Variants in NUAK1 observed in about 807,000 individuals in gnomAD.
NUAK1 encodes the protein NUAK family kinase 1.
A neutral mutation model predicts 56.9 loss-of-function variants in NUAK1; 26 were observed. That is an observed-to-expected ratio of 0.46 (90% CI 0.33 to 0.63). NUAK1 has a LOEUF of 0.63. NUAK1 is among the 30% of genes least tolerant of loss of function. The probability of loss-of-function intolerance (pLI) is 0.02; values close to 1 mark genes in which losing one functional copy is unlikely to be tolerated. For synonymous variants in NUAK1, 337 were observed against 336.0 expected (o/e 1.00, Z -0.03); for missense variants, 727 against 876.1 (o/e 0.83, Z 2.15).
At chr12:106,131,622 C>A (rs1475890569) in intron 1 of NUAK1, among the ~76,000 whole-genome samples, 1 of 152,156 alleles carries the variant, frequency 6.6e-6, no homozygotes, top group Non-Finnish European at 1.5e-5. Flanking sequence ...GATGTGCCAG[C>A]TTTTATTTAC....
At chr12:106,110,177 G>A (rs773518380) in intron 1 of NUAK1, among the ~76,000 whole-genome samples, 4 of 152,082 alleles carry the variant, frequency 2.6e-5, no homozygotes, top group Admixed American at 6.5e-5. Context: ...TTCTCCACCC[G>A]CTCCCACACT....
At chr12:106,099,614 A>AT (rs1258420911) in intron 2 of NUAK1, among the ~76,000 whole-genome samples, 1 of 152,082 alleles carries the variant, frequency 6.6e-6, no homozygotes, top group Non-Finnish European at 1.5e-5. Context: ...TCCACCACTT[A>AT]TTAGTTGGTA....
chr12:106,080,791 A>AG (rs2032509863), intron 4 of NUAK1, among the ~76,000 whole-genome samples: 1 of 152,148 alleles, frequency 6.6e-6, no homozygotes, highest in Non-Finnish European at 1.5e-5. Context: ...GAAGCACCAG[A>AG]GGGGGCTCCA....
chr12:106,122,316 G>A (rs527703455), intron 1 of NUAK1, among the ~76,000 whole-genome samples: 3 of 152,304 alleles, frequency 2.0e-5, no homozygotes, highest in South Asian at 2.1e-4. Context: ...GGCCATGAGC[G>A]GCAGTATCAC....
intron 1 of NUAK1, among the ~76,000 whole-genome samples, chr12:106,114,213 C>G (rs531182173): frequency 3.0e-4 from 46 of 152,316 alleles, no homozygotes; most frequent in African/African-American, 1.1e-3. Context: ...TATAACAAGG[C>G]TTGGATAAGC....
chr12:106,078,469 A>G (rs1424050286), intron 4 of NUAK1, among the ~76,000 whole-genome samples: 2 of 152,180 alleles, frequency 1.3e-5, no homozygotes, highest in Non-Finnish European at 2.9e-5. Flanking sequence ...AAGGGGAGTT[A>G]TTGCTGTCAG....
chr12:106,083,387 T>C (rs563128112), intron 4 of NUAK1, among the ~76,000 whole-genome samples: 1 of 152,320 alleles, frequency 6.6e-6, no homozygotes, highest in African/African-American at 2.4e-5. Context: ...CCAACTCTAC[T>C]CTTTACCACT....
chr12:106,108,365 T>C (rs1397637218), intron 1 of NUAK1, among the ~76,000 whole-genome samples: 5 of 152,184 alleles, frequency 3.3e-5, no homozygotes, highest in African/African-American at 7.2e-5. Flanking sequence ...GGTGGACCCA[T>C]GGCTGGATAG....
chr12:106,106,211 C>G (rs1246632673), intron 2 of NUAK1, 194 bp downstream of exon 2: 1 of 445,908 alleles, frequency 2.2e-6, no homozygotes, highest in Non-Finnish European at 3.9e-6. Context: ...ATTTTATGAC[C>G]AAAATGAGCT....
chr12:106,138,155 C>T lies in NUAK1; in HGVS notation c.240+259G>A, dbSNP rs913223047. On this transcript the variant is annotated intron_variant, in intron 1 of 6. Coordinates refer to ENST00000261402, the MANE Select transcript of NUAK1 (RefSeq NM_014840.3). The surrounding 1 kb of genome is among the most constrained non-coding windows in gnomAD (Gnocchi z 5.0). ...GCAAATCTAAAACATTCCTTTGCTG[C>T]TAGGATTAAATTTTTAAAAACAAAC... Among the ~76,000 whole-genome samples, 1 of 152,110 alleles carries T rather than the reference C, an allele frequency of 6.6e-6. No homozygotes were observed. Among genetic ancestry groups the T allele is most frequent in the Non-Finnish European group, 1.5e-5 (1 of 68,018 alleles).
intron 2 of NUAK1, among the ~76,000 whole-genome samples, chr12:106,087,343 G>T (rs2032583509): frequency 6.6e-6 from 1 of 152,156 alleles, no homozygotes; most frequent in Non-Finnish European, 1.5e-5. Flanking sequence ...TCCCATCTCA[G>T]GCAAATAAAA....
chr12:106,064,793 A>ACCCCCCCCCCCCCC lies in NUAK1; in HGVS notation c.*2008_*2009insGGGGGGGGGGGGGG, dbSNP rs57837292. On this transcript the variant is annotated 3_prime_UTR_variant, in exon 7 of 7. Coordinates refer to ENST00000261402, the MANE Select transcript of NUAK1 (RefSeq NM_014840.3). Reference sequence around the variant, plus strand: ...TTGTCCTCCATGCACCCACACCCCCACCCCCCCCCACACACACAATTTGCT... The same window carrying ACCCCCCCCCCCCCC: ...TTGTCCTCCATGCACCCACACCCCCACCCCCCCCCCCCCCCCCCCCCCCACACACACAATTTGCT... The ACCCCCCCCCCCCCC allele has an allele frequency of 1.7e-5, 2 of 114,568 alleles. No homozygotes were observed. Among genetic ancestry groups the ACCCCCCCCCCCCCC allele is most frequent in the Non-Finnish European group, 3.7e-5 (2 of 54,352 alleles). The allele number at this position is 114,568 out of a possible 1,614,324, so 7.1% of individuals were successfully genotyped here.
At chr12:106,129,246 G>C (rs572089357) in intron 1 of NUAK1, among the ~76,000 whole-genome samples, 1 of 152,386 alleles carries the variant, frequency 6.6e-6, no homozygotes, top group South Asian at 2.1e-4. Flanking sequence ...GCGTGACCCA[G>C]AGAAGGAGGA....
chr12:106,124,078 C>A (rs878928970), intron 1 of NUAK1, among the ~76,000 whole-genome samples: 1 of 151,996 alleles, frequency 6.6e-6, no homozygotes, highest in African/African-American at 2.4e-5. Context: ...TTTTAAGAAG[C>A]AAGTGCTTTT....
intron 1 of NUAK1, among the ~76,000 whole-genome samples, chr12:106,109,497 G>GT (rs781504105): frequency 7.0e-6 from 1 of 141,914 alleles, no homozygotes; most frequent in East Asian, 2.2e-4. Context: ...TATTCAGCCT[G>GT]TTTTTGTAGG....
intron 3 of NUAK1, 59 bp from the exon 4 acceptor site, chr12:106,083,988 G>A: frequency 1.4e-6 from 2 of 1,405,606 alleles, no homozygotes; most frequent in Non-Finnish European, 2.0e-6. Context: ...GAACAAGAGA[G>A]AAAGAGGAAG....
intron 2 of NUAK1, among the ~76,000 whole-genome samples, chr12:106,093,991 T>G (rs2032666128): frequency 6.6e-6 from 1 of 150,974 alleles, no homozygotes; most frequent in African/African-American, 2.4e-5. Flanking sequence ...TTTTTCTTGG[T>G]AGAGACAGGG....
intron 2 of NUAK1, among the ~76,000 whole-genome samples, chr12:106,101,489 C>T (rs1300263246): frequency 6.6e-6 from 1 of 152,102 alleles, no homozygotes; most frequent in Admixed American, 6.5e-5. Context: ...CTGGTGTTCT[C>T]ATGAGAAGAG....
chr12:106,083,725 G>A, intron 4 of NUAK1, 139 bp downstream of exon 4: 1 of 698,680 alleles, frequency 1.4e-6, no homozygotes, highest in Middle Eastern at 3.3e-4. Flanking sequence ...TGGAGCTCAA[G>A]CAAAGAGACT....
Sources: allele counts gnomAD v4.1 joint callset (sites outside exome capture counted in the v4.1 genomes callset), GRCh38; gene constraint gnomAD v4.1.1; non-coding constraint Gnocchi (gnomAD v3.1); transcripts MANE v1.5; gene names NCBI Gene and HGNC (gene_info 2026-07-23, HGNC 2026-07-21).